Variants in ATP2B2 observed in about 807,000 individuals in gnomAD.
ATP2B2 encodes the protein plasma membrane calcium-transporting ATPase 2.
A neutral mutation model predicts 120.0 loss-of-function variants in ATP2B2; 15 were observed. The observed-to-expected ratio is 0.12, with a 90% confidence interval of 0.08 to 0.19. The LOEUF (loss-of-function observed/expected upper bound fraction) is 0.19. Among genes scored for constraint, ATP2B2 ranks in the 10% least tolerant of loss-of-function variants. ATP2B2 has a pLI of 1.00. For missense variants in ATP2B2, 1,045 were observed against 1,719.8 expected (o/e 0.61, Z 6.94); for synonymous variants, 694 against 700.3 (o/e 0.99, Z 0.14).
intron 1 of ATP2B2, among the ~76,000 whole-genome samples, chr3:10,644,455 T>C (rs1435379120): frequency 1.3e-5 from 2 of 152,162 alleles, no homozygotes; most frequent in African/African-American, 4.8e-5. Flanking sequence ...CAAATATAGA[T>C]ACACATATGT....
At position 10,350,410 on chromosome 3, in the gene ATP2B2, G is replaced by C; in HGVS notation, c.2304C>G (p.Asn768Lys). 6.2e-7 allele frequency: 1 copy of C among 1,614,160 alleles called. No homozygotes were observed. The highest frequency in any genetic ancestry group is 8.5e-7 in the Non-Finnish European group (1 of 1,180,020). ...TTGGGACACGCACCTCCCCCTTCTC[G>C]TTGCGGATCCTCCTGTTGAACTCCT... ...EGKEFNRRIR[N>K]EKGEIEQERI... is the part of the protein sequence containing the mutation. The change falls in exon 15 of 23, where the codon AAC becomes AAG. Residue 768 changes from asparagine to lysine, a missense_variant. Physicochemically the swap from Asn to Lys is moderately conservative, Grantham distance 94. Transcript: ENST00000360273.
rs1364888558 is a variant in ATP2B2, at chr3:10,449,369, G to A, written c.175C>T (p.Arg59Cys). Residue 59 changes from arginine (R) to cysteine (C), a missense_variant, in exon 2 of 23, where the codon CGC (arginine) becomes TGC (cysteine). Arg to Cys is a radical substitution (Grantham distance 180). Transcript: ENST00000360273. Reference protein sequence around the residue: ...TYGDTEAICRRLKTSPVEGLP... With the variant: ...TYGDTEAICRCLKTSPVEGLP... The stretch of plus-strand genomic sequence containing the variant: ...CCTTCAACAGGTGAGGTTTTGAGGC[G>A]CCGGCAGATGGCTTCGGTGTCCCCA... 2.4e-5 allele frequency: 39 copies of A among 1,614,188 alleles called. No homozygotes were observed. Among genetic ancestry groups the A allele is most frequent in the Admixed American group, 5.0e-5 (3 of 60,022 alleles).
intron 1 of ATP2B2, among the ~76,000 whole-genome samples, chr3:10,490,262 G>A (rs868054006): frequency 6.6e-6 from 1 of 152,272 alleles, no homozygotes; most frequent in African/African-American, 2.4e-5. Context: ...CTGGCTCAGT[G>A]CCCATGGACA....
chr3:10,337,731 G>A (rs1204933094), intron 22 of ATP2B2, among the ~76,000 whole-genome samples: 1 of 152,080 alleles, frequency 6.6e-6, no homozygotes, highest in African/African-American at 2.4e-5. Context: ...TGAAGCCCCC[G>A]TGGAGGCGGC....
At chr3:10,621,425 A>G (rs2069545281) in intron 1 of ATP2B2, among the ~76,000 whole-genome samples, 1 of 152,196 alleles carries the variant, frequency 6.6e-6, no homozygotes, top group African/African-American at 2.4e-5. Context: ...GAGGCAGCCA[A>G]ATGCAGGGTT....
At chr3:10,430,969 A>G (rs2063297287) in intron 2 of ATP2B2, among the ~76,000 whole-genome samples, 1 of 151,710 alleles carries the variant, frequency 6.6e-6, no homozygotes, top group Non-Finnish European at 1.5e-5. Flanking sequence ...CTCCAAATGC[A>G]TCCCAGTGAG....
intron 2 of ATP2B2, among the ~76,000 whole-genome samples, chr3:10,586,000 G>C (rs11920105): frequency 6.6e-6 from 1 of 152,176 alleles, no homozygotes; most frequent in Non-Finnish European, 1.5e-5. Flanking sequence ...TTCAATAACA[G>C]TTTCTGACAT....
intron 2 of ATP2B2, among the ~76,000 whole-genome samples, chr3:10,603,841 C>G (rs1409888402): frequency 6.6e-6 from 1 of 152,132 alleles, no homozygotes; most frequent in South Asian, 2.1e-4. Flanking sequence ...AGACTTAACT[C>G]TCAGACGACA....
At chr3:10,484,646 A>G (rs2065562350) in intron 1 of ATP2B2, among the ~76,000 whole-genome samples, 1 of 151,908 alleles carries the variant, frequency 6.6e-6, no homozygotes, top group Admixed American at 6.5e-5. Context: ...CCTGCCTCAC[A>G]TCCTGCAGGG....
intron 1 of ATP2B2, among the ~76,000 whole-genome samples, chr3:10,494,010 G>C (rs1049822422): frequency 2.0e-5 from 3 of 152,220 alleles, no homozygotes; most frequent in Admixed American, 2.0e-4. Flanking sequence ...GGGCTGGGAA[G>C]GTAGGGTGGG....
chr3:10,705,633 T>C (rs1575636789), intron 1 of ATP2B2, among the ~76,000 whole-genome samples: 2 of 152,204 alleles, frequency 1.3e-5, no homozygotes. Flanking sequence ...GCAGAGGTGG[T>C]CCCAGCTCTA....
intron 1 of ATP2B2, among the ~76,000 whole-genome samples, chr3:10,640,351 C>T (rs2070139289): frequency 6.6e-6 from 1 of 152,178 alleles, no homozygotes. Flanking sequence ...AAGGTGAAGA[C>T]AGCACAGCAC....
Position 10,357,924 on chromosome 3 carries a change from G to A in ATP2B2, c.2136+767C>T, listed in dbSNP as rs1057152282. ...ACACATCCCATCCTCCCCTGACCCC[G>A]GCAGCTCCAGCACTGAGTTCTTGGT... On this transcript the variant is annotated intron_variant, in intron 14 of 22. Transcript: ENST00000360273. Among the ~76,000 whole-genome samples the A allele has an allele frequency of 5.3e-5, 8 of 152,178 alleles. No individual in the cohort carries two copies. In the East Asian group the frequency reaches 1.5e-3, roughly 29 times the overall value.
intron 3 of ATP2B2, among the ~76,000 whole-genome samples, chr3:10,524,941 T>C (rs964526539): frequency 2.0e-5 from 3 of 152,136 alleles, no homozygotes; most frequent in African/African-American, 7.2e-5. Context: ...AACCAACACC[T>C]TGTGCTCATG....
chr3:10,455,292 G>C (rs939183241), intron 1 of ATP2B2, among the ~76,000 whole-genome samples: 2 of 152,122 alleles, frequency 1.3e-5, no homozygotes, highest in African/African-American at 4.8e-5. Flanking sequence ...TTTGTAATGA[G>C]GCATCAGAGT....
chr3:10,593,867 A>AG (rs963786439), intron 2 of ATP2B2, among the ~76,000 whole-genome samples: 3 of 148,118 alleles, frequency 2.0e-5, no homozygotes, highest in African/African-American at 7.5e-5. Context: ...CAAATTTACA[A>AG]GAAAAAAAAC....
At position 10,328,636 on chromosome 3, in the gene ATP2B2, A is replaced by G; in HGVS notation, c.*178T>C. 1 of 667,382 alleles carries G rather than the reference A, an allele frequency of 1.5e-6. No homozygotes were observed. Among genetic ancestry groups the G allele is most frequent in the East Asian group, 2.8e-5 (1 of 36,152 alleles). The allele number at this position is 667,382 out of a possible 1,614,324, so 41.3% of individuals were successfully genotyped here. A position where few individuals can be genotyped will look rare whatever the true frequency, so the allele number is the denominator to read the frequency against. ...CCTTGAAGTGAAAAAGAGTTCAAAC[A>G]GCATCGCAGCCAGAGAAAGGGTCTG... On this transcript the variant is annotated 3_prime_UTR_variant, in exon 23 of 23. Transcript: ENST00000360273.
At chr3:10,683,648 AT>A (rs945881937) in intron 1 of ATP2B2, among the ~76,000 whole-genome samples, 1 of 149,302 alleles carries the variant, frequency 6.7e-6, no homozygotes. Flanking sequence ...TATTTATCTC[AT>A]TTTTTTACCC....
intron 3 of ATP2B2, among the ~76,000 whole-genome samples, chr3:10,530,621 G>C (rs1335351728): frequency 6.6e-6 from 1 of 152,174 alleles, no homozygotes; most frequent in Admixed American, 6.5e-5. Context: ...TCGTTGAAGA[G>C]AGCAGGATTG....
Sources: allele counts gnomAD v4.1 joint callset (sites outside exome capture counted in the v4.1 genomes callset), GRCh38; gene constraint gnomAD v4.1.1; transcripts MANE v1.5; gene names NCBI Gene and HGNC (gene_info 2026-07-23, HGNC 2026-07-21).